MYO1D: variants seen among roughly 807,000 people sequenced by gnomAD.
MYO1D encodes myosin ID.
In MYO1D, 83 loss-of-function variants were observed where a neutral mutation model predicts 122.0. That is an observed-to-expected ratio of 0.68 (90% confidence interval 0.57 to 0.82). The LOEUF (loss-of-function observed/expected upper bound fraction) is 0.82, where lower values mean the gene tolerates loss of function less well. Ranked by LOEUF, MYO1D falls within the 40% of genes least tolerant of loss-of-function variation. The probability of loss-of-function intolerance (pLI) is 0.00; values close to 1 mark genes in which losing one functional copy is unlikely to be tolerated. For missense variants in MYO1D, 1,157 were observed against 1,269.5 expected (o/e 0.91, Z 1.35); for synonymous variants, 464 against 446.9 (o/e 1.04, Z -0.48).
intron 14 of MYO1D, among the ~76,000 whole-genome samples, chr17:32,728,296 C>T (rs543353473): frequency 1.3e-5 from 2 of 151,806 alleles, no homozygotes; most frequent in East Asian, 3.9e-4. Flanking sequence ...ACCTCGGACT[C>T]CCGGGTTCAC....
At chr17:32,506,990 A>T (rs1404622645) in intron 21 of MYO1D, among the ~76,000 whole-genome samples, 5 of 151,992 alleles carry the variant, frequency 3.3e-5, no homozygotes, top group South Asian at 2.1e-4. Flanking sequence ...CAGGAAAATT[A>T]AAAAAAAGTT....
At chr17:32,758,549 A>AT (rs2089970371) in intron 10 of MYO1D, among the ~76,000 whole-genome samples, 1 of 152,172 alleles carries the variant, frequency 6.6e-6, no homozygotes, top group Admixed American at 6.5e-5. Flanking sequence ...AAATAATGTG[A>AT]TATCTGAAAT....
intron 21 of MYO1D, among the ~76,000 whole-genome samples, chr17:32,568,480 C>T (rs1567892947): frequency 6.6e-6 from 1 of 152,220 alleles, no homozygotes; most frequent in Non-Finnish European, 1.5e-5. Flanking sequence ...TTCCAGGACA[C>T]ATATCTGATT....
At chr17:32,581,034 T>TATATCTAC (rs1243229547) in intron 21 of MYO1D, among the ~76,000 whole-genome samples, 2 of 152,222 alleles carry the variant, frequency 1.3e-5, no homozygotes, top group East Asian at 3.9e-4. Context: ...GTGATATTTC[T>TATATCTAC]TAAATCTATA....
At chr17:32,786,063 A>G (rs10853154) in intron 1 of MYO1D, among the ~76,000 whole-genome samples, 66,085 of 151,894 alleles carry the variant, frequency 0.44, 14,925 homozygotes, top group East Asian at 0.71. Flanking sequence ...GACTGAATAT[A>G]TGCCTCTCCA....
Position 32,819,996 on chromosome 17 carries a change from T to C in MYO1D, c.96-39212A>G, listed in dbSNP as rs76001240. Among the ~76,000 whole-genome samples, 84 of 152,342 alleles carry C rather than the reference T, an allele frequency of 5.5e-4. 1 individual carries two copies. In the East Asian group the frequency reaches 0.014, roughly 26 times the overall value. On this transcript the variant is annotated intron_variant, in intron 1 of 21. Coordinates refer to ENST00000318217, the MANE Select transcript of MYO1D (RefSeq NM_015194.3). Reference sequence around the variant, plus strand: ...GGTTGTTGGTAAGCCCACAGGTTGGTCATCTTTGGATTATGTCTCATTCCA... The same window carrying C: ...GGTTGTTGGTAAGCCCACAGGTTGGCCATCTTTGGATTATGTCTCATTCCA...
chr17:32,595,338 C>G (rs1409760821), intron 21 of MYO1D, among the ~76,000 whole-genome samples: 2 of 151,916 alleles, frequency 1.3e-5, no homozygotes, highest in African/African-American at 4.8e-5. Context: ...TTCAATATTC[C>G]TAATGAAAAG....
chr17:32,653,875 T>A lies in MYO1D; in HGVS notation c.2563A>T (p.Met855Leu). 6.2e-7 allele frequency: 1 copy of A among 1,613,992 alleles called. No homozygotes were observed. Among genetic ancestry groups the A allele is most frequent in the Non-Finnish European group, 8.5e-7 (1 of 1,179,902 alleles). Residue 855 changes from methionine to leucine, a missense_variant, in exon 19 of 22, where the codon ATG becomes TTG. Coordinates refer to ENST00000318217, the MANE Select transcript of MYO1D (RefSeq NM_015194.3). ...ACGTGACAGGAAAAGAGGACATTCA[T>A]GTATTTGTCCTTCCGTTTCAATTCA... ...ANELKRKDKYMNVLFSCHVRK... is the reference protein window; with the variant it reads ...ANELKRKDKYLNVLFSCHVRK...
At chr17:32,575,310 AT>A (rs1173606948) in intron 21 of MYO1D, among the ~76,000 whole-genome samples, 1 of 152,244 alleles carries the variant, frequency 6.6e-6, no homozygotes, top group Non-Finnish European at 1.5e-5. Flanking sequence ...ATATAGCTCA[AT>A]CCATTAAAAA....
chr17:32,811,435 G>A lies in MYO1D; in HGVS notation c.96-30651C>T, dbSNP rs565609326. Among the ~76,000 whole-genome samples, 73 of 152,154 alleles carry A rather than the reference G, an allele frequency of 4.8e-4. 1 individual carries two copies. The Middle Eastern group carries it at 0.014, about 28-fold the overall frequency. On this transcript the variant is annotated intron_variant, in intron 1 of 21. Coordinates refer to ENST00000318217, the MANE Select transcript of MYO1D (RefSeq NM_015194.3). Reference sequence around the variant, plus strand: ...TCCCAAATCCATCCCCGCTACTCCAGCCCCAATCCTTGGTCTGAGTTGATT... The same window carrying A: ...TCCCAAATCCATCCCCGCTACTCCAACCCCAATCCTTGGTCTGAGTTGATT...
intron 8 of MYO1D, among the ~76,000 whole-genome samples, chr17:32,761,431 A>G (rs2090000915): frequency 6.6e-6 from 1 of 152,094 alleles, no homozygotes; most frequent in Non-Finnish European, 1.5e-5. Flanking sequence ...CACTCAACCT[A>G]GGTTTTCACT....
intron 21 of MYO1D, among the ~76,000 whole-genome samples, chr17:32,551,034 T>C (rs1448993262): frequency 6.6e-6 from 1 of 152,172 alleles, no homozygotes; most frequent in African/African-American, 2.4e-5. Context: ...TACAGCCATT[T>C]CTTAATATTA....
rs149492500 is a variant in MYO1D, at chr17:32,756,661, A to C, written c.1297-999T>G. On this transcript the variant is annotated intron_variant, in intron 10 of 21. Transcript: ENST00000318217. ...AAGAGCATTTCTTTTGGTTTCCCCA[A>C]AGTTAAAAAGCTTCAATAGAATTTT... Among the ~76,000 whole-genome samples, 729 of 152,214 alleles carry C rather than the reference A, an allele frequency of 4.8e-3. 10 individuals carry two copies. Among genetic ancestry groups the C allele is most frequent in the African/African-American group, 0.014 (588 of 41,560 alleles).
intron 21 of MYO1D, among the ~76,000 whole-genome samples, chr17:32,595,596 AG>A (rs2087483720): frequency 6.6e-6 from 1 of 152,176 alleles, no homozygotes; most frequent in Non-Finnish European, 1.5e-5. Context: ...ACCTATCAGT[AG>A]GAAGGGCTAG....
At chr17:32,599,075 T>A (rs1303954086) in intron 21 of MYO1D, among the ~76,000 whole-genome samples, 1 of 152,198 alleles carries the variant, frequency 6.6e-6, no homozygotes. Flanking sequence ...GCCACATTCA[T>A]TGACTCTTGC....
intron 21 of MYO1D, among the ~76,000 whole-genome samples, chr17:32,545,784 T>G (rs981826940): frequency 3.2e-4 from 45 of 139,948 alleles, no homozygotes; most frequent in African/African-American, 8.5e-4. Context: ...TTTTTTTTTT[T>G]GGGGTTCCAC....
At chr17:32,748,832 A>G (rs898111910) in intron 12 of MYO1D, 104 bp downstream of exon 12, 2 of 1,078,652 alleles carry the variant, frequency 1.9e-6, no homozygotes, top group African/African-American at 3.1e-5. Flanking sequence ...TCAAATGACC[A>G]AAACATGCAA....
intron 14 of MYO1D, among the ~76,000 whole-genome samples, chr17:32,731,499 T>C (rs1479305223): frequency 1.3e-5 from 2 of 152,208 alleles, no homozygotes; most frequent in Non-Finnish European, 2.9e-5. Flanking sequence ...AACCTGCTGT[T>C]TGTTGTTTAG....
intron 21 of MYO1D, among the ~76,000 whole-genome samples, chr17:32,501,208 T>C (rs1165176371): frequency 6.6e-6 from 1 of 152,114 alleles, no homozygotes; most frequent in Non-Finnish European, 1.5e-5. Context: ...ATGATGGTGA[T>C]GATGATGATG....
Sources: gnomAD v4.1 joint callset for allele counts (sites outside exome capture counted in the v4.1 genomes callset) on GRCh38, gnomAD v4.1.1 for gene constraint, MANE v1.5 for transcripts, NCBI Gene and HGNC (gene_info 2026-07-23, HGNC 2026-07-21) for gene names.